The following CTIF variants were observed in gnomAD, a reference collection of about 807,000 sequenced individuals.
CTIF encodes the protein CBP80/20-dependent translation initiation factor.
In CTIF, 21 loss-of-function variants were observed where a neutral mutation model predicts 66.0. The observed-to-expected ratio is 0.32, with a 90% CI of 0.23 to 0.46. The LOEUF (loss-of-function observed/expected upper bound fraction) is 0.46. CTIF is among the 20% of genes least tolerant of loss of function. The pLI is 1.00. For synonymous variants in CTIF, 345 were observed against 326.4 expected (o/e 1.06, Z -0.62); for missense variants, 739 against 812.7 (o/e 0.91, Z 1.10).
chr18:48,716,984 C>T (rs1026869709), intron 7 of CTIF, among the ~76,000 whole-genome samples: 5 of 152,166 alleles, frequency 3.3e-5, no homozygotes, highest in African/African-American at 9.6e-5. Flanking sequence ...ATCCACCTGG[C>T]GTGCGGAGTG....
intron 9 of CTIF, among the ~76,000 whole-genome samples, chr18:48,763,067 C>T (rs768671622): frequency 2.6e-5 from 4 of 152,232 alleles, no homozygotes; most frequent in African/African-American, 4.8e-5. Context: ...ATGTTCCTCG[C>T]GGGCCGGAAT....
chr18:48,859,361 G>A lies in CTIF; in HGVS notation c.1599G>A (p.Arg533=). The change falls in exon 12 of 12, where the codon CGG becomes CGA. Residue 533 remains arginine (R), a synonymous_variant. Coordinates refer to ENST00000256413, the MANE Select transcript of CTIF (RefSeq NM_014772.3). The part of the protein sequence containing the change: ...CCSMELQSTG[R]LLEEQLPEMM... ...GTCTGCAGCTGCAGAGTACAGGCCG[G>A]CTGCTGGAGGAACAGCTGCCTGAGA... is the stretch of plus-strand genomic sequence containing the variant. 1 of 1,614,046 alleles carries A rather than the reference G, an allele frequency of 6.2e-7. No homozygotes were observed. Among genetic ancestry groups the A allele is most frequent in the Non-Finnish European group, 8.5e-7 (1 of 1,180,004 alleles).
intron 9 of CTIF, among the ~76,000 whole-genome samples, chr18:48,771,990 A>G (rs955092292): frequency 6.6e-6 from 1 of 152,150 alleles, no homozygotes; most frequent in African/African-American, 2.4e-5. Flanking sequence ...GTAACTGCTC[A>G]CCGCCCTGTC....
intron 1 of CTIF, among the ~76,000 whole-genome samples, chr18:48,572,984 C>A (rs1345694296): frequency 1.3e-5 from 2 of 151,946 alleles, no homozygotes; most frequent in Non-Finnish European, 2.9e-5. Context: ...AAGAGCAAGA[C>A]CCTGTCTTAA....
intron 1 of CTIF, chr18:48,566,224 G>C: frequency 6.6e-6 from 1 of 152,224 alleles, no homozygotes; most frequent in South Asian, 2.1e-4. Context: ...AGAAAGTGTG[G>C]TGTGTAAGGG....
chr18:48,627,533 A>G (rs2090624793), intron 2 of CTIF, among the ~76,000 whole-genome samples: 1 of 151,952 alleles, frequency 6.6e-6, no homozygotes, highest in South Asian at 2.1e-4. Flanking sequence ...AGCCTGGGCA[A>G]CATGGTGAAA....
intron 3 of CTIF, 54 bp downstream of exon 3, chr18:48,636,739 G>C (rs1292831055): frequency 7.1e-7 from 1 of 1,413,340 alleles, no homozygotes; most frequent in African/African-American, 1.4e-5. Context: ...TTGTCTGCCT[G>C]GGTTCCTGGG....
chr18:48,553,587 T>C (rs1326307552), intron 1 of CTIF, among the ~76,000 whole-genome samples: 1 of 152,236 alleles, frequency 6.6e-6, no homozygotes, highest in Non-Finnish European at 1.5e-5. Flanking sequence ...TAGAAAAGTT[T>C]ACTTAATGTA....
chr18:48,768,853 AG>A, intron 9 of CTIF, among the ~76,000 whole-genome samples: 1 of 152,320 alleles, frequency 6.6e-6, no homozygotes, highest in South Asian at 2.1e-4. Flanking sequence ...GCAGAGAGCT[AG>A]GTCCCTGCTG....
intron 1 of CTIF, among the ~76,000 whole-genome samples, chr18:48,574,289 C>A (rs987449054): frequency 7.2e-5 from 11 of 152,206 alleles, no homozygotes; most frequent in African/African-American, 2.4e-4. Context: ...AAATAATTCC[C>A]TGACTATCCT....
chr18:48,734,460 G>C (rs2092482149), intron 7 of CTIF, among the ~76,000 whole-genome samples: 1 of 152,212 alleles, frequency 6.6e-6, no homozygotes, highest in Non-Finnish European at 1.5e-5. Flanking sequence ...CCGCTACTCG[G>C]GAGGCTGAGG....
chr18:48,572,548 G>C lies in CTIF; in HGVS notation c.-29+33236G>C, dbSNP rs570396742. ...ACACAGCTAGTAGGAGCTAGAAGCA[G>C]AATCTGGCCTGGGCTAGTCCAGTAC... On this transcript the variant is annotated intron_variant, in intron 1 of 11. Coordinates refer to ENST00000256413, the MANE Select transcript of CTIF (RefSeq NM_014772.3). Among the ~76,000 whole-genome samples, 26 of 152,310 alleles carry C rather than the reference G, an allele frequency of 1.7e-4. 2 individuals are homozygous for C. Among genetic ancestry groups the C allele is most frequent in the African/African-American group, 6.3e-4 (26 of 41,570 alleles).
In CTIF at chr18:48,815,485, T is replaced by A. The variant is rs577133958; in HGVS notation, c.1372-1736T>A. On this transcript the variant is annotated intron_variant, in intron 9 of 11. Transcript: ENST00000256413. ...CAGTGTCTGGCTCACAAATAGCAGC[T>A]GCTGCTGTTACTGTTTTACATATAA... Among the ~76,000 whole-genome samples the A allele has an allele frequency of 2.0e-5, 3 of 152,360 alleles. No homozygotes were observed. The East Asian group carries it at 5.8e-4, about 29-fold the overall frequency.
At chr18:48,777,218 C>T (rs1018879277) in intron 9 of CTIF, among the ~76,000 whole-genome samples, 51 of 152,204 alleles carry the variant, frequency 3.4e-4, no homozygotes, top group African/African-American at 1.2e-3. Flanking sequence ...TGTGTGCTGG[C>T]GGCAGCACCT....
chr18:48,805,064 G>A (rs943237573), intron 9 of CTIF, among the ~76,000 whole-genome samples: 1 of 152,250 alleles, frequency 6.6e-6, no homozygotes, highest in African/African-American at 2.4e-5. Flanking sequence ...ATGGAGCCCA[G>A]AAGTCCCAGG....
chr18:48,820,448 G>A (rs1006498639), intron 10 of CTIF, among the ~76,000 whole-genome samples: 3 of 152,044 alleles, frequency 2.0e-5, no homozygotes, highest in African/African-American at 7.2e-5. Context: ...GTAGATGTCT[G>A]ACCCCAAATC....
chr18:48,797,706 G>C (rs984651495), intron 9 of CTIF, among the ~76,000 whole-genome samples: 4 of 152,182 alleles, frequency 2.6e-5, no homozygotes, highest in Admixed American at 6.5e-5. Context: ...GTGTTCCTCA[G>C]ATTCATCCAA....
At position 48,677,273 on chromosome 18, in the gene CTIF, G is replaced by A. The variant is rs562887261; in HGVS notation, c.507+6529G>A. Among the ~76,000 whole-genome samples the A allele has an allele frequency of 1.1e-4, 16 of 152,254 alleles. No homozygotes were observed. The South Asian group carries it at 2.1e-3, about 20-fold the overall frequency. On this transcript the variant is annotated intron_variant, in intron 6 of 11. Transcript: ENST00000256413. ...CGGCGACTGTTGCTCCATGTCACCC[G>A]TGGTCCCACGGAGGTGAGGTCTGAC...
intron 7 of CTIF, among the ~76,000 whole-genome samples, chr18:48,733,413 G>A (rs916525833): frequency 1.3e-5 from 2 of 152,220 alleles, no homozygotes; most frequent in African/African-American, 2.4e-5. Flanking sequence ...AGGGCTAGCT[G>A]AGCTCTTTGC....
Sources: allele counts gnomAD v4.1 joint callset (sites outside exome capture counted in the v4.1 genomes callset), GRCh38; gene constraint gnomAD v4.1.1; transcripts MANE v1.5; gene names NCBI Gene and HGNC (gene_info 2026-07-23, HGNC 2026-07-21).